Variants in IL31RA observed in about 807,000 individuals in gnomAD.
IL31RA encodes the protein interleukin-31 receptor subunit alpha.
Under a neutral mutation model 83.7 loss-of-function variants are expected in IL31RA, and 66 were observed. The ratio of observed to expected loss-of-function variants is 0.79; its 90% CI spans 0.65 to 0.97. IL31RA has a LOEUF of 0.97. Ranked by LOEUF, IL31RA falls within the 50% of genes least tolerant of loss-of-function variation. The pLI, the probability that IL31RA is intolerant of heterozygous loss-of-function variation, is 0.00. For synonymous variants in IL31RA, 325 were observed against 329.0 expected, an observed-to-expected ratio of 0.99 and a Z score of 0.13; for missense variants, 798 against 919.4, an observed-to-expected ratio of 0.87 and a Z score of 1.71.
At chr5:55,844,415 T>C in the IL31RA span, among the ~76,000 whole-genome samples, 1 of 152,236 alleles carries the variant, frequency 6.6e-6, no homozygotes, top group Non-Finnish European at 1.5e-5. Context: ...ACAGAAGAAA[T>C]AAGTGAAGGT....
At chr5:55,878,228 A>G (rs890836265) in intron 4 of IL31RA, among the ~76,000 whole-genome samples, 1 of 152,062 alleles carries the variant, frequency 6.6e-6, no homozygotes, top group Non-Finnish European at 1.5e-5. Context: ...CATTTTGTTC[A>G]TGTATTATTT....
chr5:55,902,867 A>G (rs1306423389), intron 8 of IL31RA, among the ~76,000 whole-genome samples: 2 of 152,122 alleles, frequency 1.3e-5, no homozygotes, highest in Non-Finnish European at 2.9e-5. Context: ...ATGCTGTGAG[A>G]TCTATTTTAT....
chr5:55,859,355 G>A (rs1328154181), intron 1 of IL31RA, among the ~76,000 whole-genome samples, 154 bp from the exon 2 acceptor site: 1 of 152,170 alleles, frequency 6.6e-6, no homozygotes, highest in African/African-American at 2.4e-5. Context: ...GGTTGATGGA[G>A]TAATTATGAA....
rs564858574 is a variant in IL31RA, at chr5:55,904,480, T to C, written c.1070-1626T>C. On this transcript the variant is annotated intron_variant, in intron 8 of 14. Coordinates refer to ENST00000652347, the MANE Select transcript of IL31RA (RefSeq NM_139017.7). ...GCAGGGGAAGGCTGGAAGGAGAAAC[T>C]CAGAGCCCTAGGGTTAGGTGGGGTC... Among the ~76,000 whole-genome samples the C allele has an allele frequency of 6.8e-4, 103 of 152,262 alleles. 1 individual carries two copies. The East Asian group carries it at 0.018, about 27-fold the overall frequency.
chr5:55,852,738 T>C (rs184006369), intron 1 of IL31RA, among the ~76,000 whole-genome samples: 2 of 152,316 alleles, frequency 1.3e-5, no homozygotes, highest in African/African-American at 4.8e-5. Context: ...GAAGGGATCC[T>C]AGAAATAATC....
intron 3 of IL31RA, among the ~76,000 whole-genome samples, chr5:55,869,171 T>G (rs1159437829): frequency 2.0e-5 from 3 of 152,190 alleles, no homozygotes; most frequent in African/African-American, 7.2e-5. Flanking sequence ...ATCTGTTTAT[T>G]TACTACACTC....
intron 4 of IL31RA, among the ~76,000 whole-genome samples, chr5:55,881,194 AG>A (rs1275086395): frequency 1.3e-5 from 2 of 151,644 alleles, no homozygotes; most frequent in Admixed American, 6.6e-5. Context: ...CCCAGCTACT[AG>A]GGGGGCTGAG....
rs35481013 is a variant in IL31RA at position 55,886,268 on chromosome 5, C to CTTTTTTTTTT, written c.606+3087_606+3096dup. Among the ~76,000 whole-genome samples the CTTTTTTTTTT allele has an allele frequency of 5.0e-4, 36 of 71,502 alleles. 1 individual carries two copies. Among genetic ancestry groups the CTTTTTTTTTT allele is most frequent in the African/African-American group, 1.5e-3 (21 of 13,716 alleles). 46.9% of individuals were successfully genotyped at this position (71,502 alleles called of 152,430 possible). ...GCTAGCTTGCTTGCTTGCTTGCTTGCTTTTTTTTTTTTTTTTTTTTTTTGA... is the reference window on the plus strand; with the variant it reads ...GCTAGCTTGCTTGCTTGCTTGCTTGCTTTTTTTTTTTTTTTTTTTTTTTTTTTTTTTTTGA... On this transcript the variant is annotated intron_variant, in intron 5 of 14. Coordinates refer to ENST00000652347, the MANE Select transcript of IL31RA (RefSeq NM_139017.7).
At chr5:55,842,125 T>A in the IL31RA span, among the ~76,000 whole-genome samples, 1 of 152,164 alleles carries the variant, frequency 6.6e-6, no homozygotes, top group East Asian at 1.9e-4. Context: ...GCTCCAGCAA[T>A]CCTTGGTGCT....
At chr5:55,854,598 A>G (rs865884704) in intron 1 of IL31RA, among the ~76,000 whole-genome samples, 15 of 151,850 alleles carry the variant, frequency 9.9e-5, no homozygotes, top group East Asian at 3.9e-4. Flanking sequence ...TACAAAAATT[A>G]CCTGGGCCTG....
intron 4 of IL31RA, among the ~76,000 whole-genome samples, chr5:55,881,592 G>A (rs1209433632): frequency 6.6e-6 from 1 of 151,908 alleles, no homozygotes; most frequent in East Asian, 1.9e-4. Flanking sequence ...GGAGTCGTAC[G>A]CATGCTCAAC....
the IL31RA span, among the ~76,000 whole-genome samples, chr5:55,841,443 G>T: frequency 6.6e-6 from 1 of 152,170 alleles, no homozygotes; most frequent in Non-Finnish European, 1.5e-5. Context: ...TTAATAAGCA[G>T]CAGTTTATTG....
intron 1 of IL31RA, among the ~76,000 whole-genome samples, 163 bp from the exon 2 acceptor site, chr5:55,859,346 G>A (rs1745533286): frequency 6.6e-6 from 1 of 152,178 alleles, no homozygotes; most frequent in Admixed American, 6.5e-5. Flanking sequence ...GTTGACTGGG[G>A]TTGATGGAGT....
rs1747344002 is a variant in IL31RA, at chr5:55,883,036, A to C, written c.455-8A>C. The C allele has an allele frequency of 6.2e-7, 1 of 1,613,434 alleles. No homozygotes were observed. Among genetic ancestry groups the C allele is most frequent in the African/African-American group, 1.3e-5 (1 of 74,940 alleles). ...CAGATATGAGAGTTGTATGATTTTT[A>C]TTTTCAGCGAAAACTGAACCACCTA... On this transcript the variant is annotated splice_region_variant and splice_polypyrimidine_tract_variant and intron_variant, in intron 4 of 14. Coordinates refer to ENST00000652347, the MANE Select transcript of IL31RA (RefSeq NM_139017.7).
the IL31RA span, among the ~76,000 whole-genome samples, chr5:55,841,840 T>G: frequency 1.3e-5 from 2 of 151,998 alleles, no homozygotes; most frequent in Admixed American, 6.6e-5. Context: ...ACCACAGAAA[T>G]GTATTCTCTC....
In IL31RA at chr5:55,883,172, A is replaced by G. The variant is rs760744934; in HGVS notation, c.583A>G (p.Arg195Gly). The stretch of plus-strand genomic sequence containing the variant: ...TGATTTAAAATACACACTTCGATTC[A>G]GGACAGTCAACAGTACCAGCTGGGT... ...SSDLKYTLRF[R>G]TVNSTSWMEV... is the part of the protein sequence containing the mutation. Residue 195 changes from arginine (R) to glycine (G), a missense_variant, in exon 5 of 15, where the codon AGG becomes GGG. Arg to Gly is a moderately radical substitution (Grantham distance 125). Coordinates refer to ENST00000652347, the MANE Select transcript of IL31RA (RefSeq NM_139017.7). 6.2e-7 allele frequency: 1 copy of G among 1,613,830 alleles called. No homozygotes were observed. The highest frequency in any genetic ancestry group is 1.3e-5 in the African/African-American group (1 of 74,904).
chr5:55,856,218 C>T (rs1227558536), intron 1 of IL31RA, among the ~76,000 whole-genome samples: 1 of 152,168 alleles, frequency 6.6e-6, no homozygotes, highest in Admixed American at 6.5e-5. Context: ...GCATAGGACA[C>T]CACTAGTTAC....
chr5:55,906,976 G>A (rs954078026), intron 9 of IL31RA, among the ~76,000 whole-genome samples: 38 of 152,116 alleles, frequency 2.5e-4, no homozygotes, highest in Non-Finnish European at 4.9e-4. Flanking sequence ...CAGGGATGCA[G>A]GCAAGTAGAG....
intron 2 of IL31RA, among the ~76,000 whole-genome samples, chr5:55,865,288 G>C (rs1745980662): frequency 6.6e-6 from 1 of 152,176 alleles, no homozygotes; most frequent in Non-Finnish European, 1.5e-5. Context: ...AAGTAGCAAA[G>C]ATAGAAAGCC....
Sources: allele counts gnomAD v4.1 joint callset (sites outside exome capture counted in the v4.1 genomes callset), GRCh38; gene constraint gnomAD v4.1.1; transcripts MANE v1.5; gene names NCBI Gene and HGNC (gene_info 2026-07-23, HGNC 2026-07-21).